The following ZP4 variants were observed in gnomAD, a reference collection of about 807,000 sequenced individuals.
The protein encoded by ZP4 is zona pellucida glycoprotein 4, also known as zona pellucida sperm-binding protein 4.
A neutral mutation model predicts 62.3 loss-of-function variants in ZP4; 62 were observed. That is an observed-to-expected ratio of 0.99 (90% CI 0.81 to 1.23). ZP4 has a LOEUF of 1.23. Ranked by LOEUF, ZP4 falls within the 50% of genes most tolerant of loss-of-function variation. The probability of loss-of-function intolerance (pLI) is 0.00; values close to 1 mark genes in which losing one functional copy is unlikely to be tolerated. For missense variants in ZP4, 774 were observed against 656.0 expected (o/e 1.18, Z -1.97); for synonymous variants, 289 against 247.3 (o/e 1.17, Z -1.58).
In ZP4 at chr1:237,885,539, C is replaced by A. The variant is rs376995776; in HGVS notation, c.1012G>T (p.Val338Leu). The A allele has an allele frequency of 1.2e-6, 2 of 1,614,034 alleles. No individual in the cohort carries two copies. The highest frequency in any genetic ancestry group is 1.7e-6 in the Non-Finnish European group (2 of 1,180,024). The change falls in exon 8 of 12, where the codon GTG becomes TTG. Residue 338 changes from valine to leucine, a missense_variant. Physicochemically the swap from Val to Leu is conservative, Grantham distance 32. Transcript: ENST00000366570. Reference sequence around the variant, plus strand: ...ATGGGATCCCGAAGCAACTTCACCACTGGGTAGTCACCAACACCGTAGTAA... The same window carrying A: ...ATGGGATCCCGAAGCAACTTCACCAATGGGTAGTCACCAACACCGTAGTAA... Reference protein sequence around the residue: ...GSYYGVGDYPVVKLLRDPIYV... With the variant: ...GSYYGVGDYPLVKLLRDPIYV...
chr1:237,885,722 T>A, intron 7 of ZP4, 34 bp downstream of exon 7: 1 of 1,612,284 alleles, frequency 6.2e-7, no homozygotes, highest in Non-Finnish European at 8.5e-7. Flanking sequence ...GGATTTAGAC[T>A]ATAGGCCAGA....
In ZP4 at chr1:237,888,513, A is replaced by G. The variant is rs370239365; in HGVS notation, c.401-3T>C. The G allele has an allele frequency of 1.7e-4, 273 of 1,587,746 alleles. No homozygotes were observed. The highest frequency in any genetic ancestry group is 2.2e-4 in the Non-Finnish European group (254 of 1,162,034). On this transcript the variant is annotated splice_region_variant and splice_polypyrimidine_tract_variant and intron_variant, in intron 3 of 11. Coordinates refer to ENST00000366570, the MANE Select transcript of ZP4 (RefSeq NM_021186.5). ...GTCAGTATCTGGAGCATCTCGGGCT[A>G]GGTTTTGAAAAAGAGTAAGTCAGGT... is the stretch of plus-strand genomic sequence containing the variant.
rs1665010854 is a variant in ZP4 at position 237,883,969 on chromosome 1, C to CACACACACAA, written c.1390+799_1390+800insTTGTGTGTGT. On this transcript the variant is annotated intron_variant, in intron 10 of 11. Transcript: ENST00000366570. Reference sequence around the variant, plus strand: ...AGCAAGAACTGGTCACACACACAAACACACACACACACAAACACACACACA... The same window carrying CACACACACAA: ...AGCAAGAACTGGTCACACACACAAACACACACACAAACACACACACACAAACACACACACA... Among the ~76,000 whole-genome samples the CACACACACAA allele has an allele frequency of 7.1e-5, 4 of 56,128 alleles. 1 individual carries two copies. Among genetic ancestry groups the CACACACACAA allele is most frequent in the African/African-American group, 2.6e-4 (3 of 11,436 alleles). The allele number at this position is 56,128 out of a possible 152,430, so 36.8% of individuals were successfully genotyped here. A position where few individuals can be genotyped will look rare whatever the true frequency, so the allele number is the denominator to read the frequency against.
chr1:237,882,511 G>A lies in ZP4; in HGVS notation c.1534C>T (p.Leu512Phe). 1 of 1,607,224 alleles carries A rather than the reference G, an allele frequency of 6.2e-7. No homozygotes were observed. Among genetic ancestry groups the A allele is most frequent in the Non-Finnish European group, 8.5e-7 (1 of 1,178,162 alleles). The change falls in exon 12 of 12, where the codon CTT (leucine) becomes TTT (phenylalanine). Residue 512 changes from leucine (L) to phenylalanine (F), a missense_variant. By Grantham distance (22) the Leu-to-Phe change is conservative (BLOSUM62 0). Coordinates refer to ENST00000366570, the MANE Select transcript of ZP4 (RefSeq NM_021186.5). ...VDSKVLWVAG[L>F]SGTLILGALL... ...GCTCCAAGGATTAAGGTCCCAGAAA[G>A]GCCTGCCACCCACAGAACTTTCGAG...
chr1:237,883,001 GAGATTTT>G (rs1664952434), intron 10 of ZP4, among the ~76,000 whole-genome samples, 155 bp from the exon 11 acceptor site: 1 of 152,172 alleles, frequency 6.6e-6, no homozygotes, highest in Admixed American at 6.5e-5. Context: ...TTGAACAAGT[GAGATTTT>G]ATATCTGATG....
Position 237,890,608 on chromosome 1 carries a change from A to C in ZP4, c.28T>G (p.Cys10Gly), listed in dbSNP as rs1404773821. The C allele has an allele frequency of 6.2e-7, 1 of 1,613,836 alleles. No homozygotes were observed. Among genetic ancestry groups the C allele is most frequent in the Admixed American group, 1.7e-5 (1 of 59,970 alleles). Residue 10 changes from cysteine to glycine, a missense_variant, in exon 1 of 12, where the codon TGT (cysteine) becomes GGT (glycine). Cys to Gly is a radical substitution (Grantham distance 159). Coordinates refer to ENST00000366570, the MANE Select transcript of ZP4 (RefSeq NM_021186.5). The stretch of plus-strand genomic sequence containing the variant: ...CTCACAGCAAGAGATAATGAAACAC[A>C]CAGCAAAACGCACCGCAGCAGCCAC... MWLLRCVLL[C>G]VSLSLAVSGQ...
In ZP4 at chr1:237,887,529, A is replaced by G. The variant is rs746802121; in HGVS notation, c.586T>C (p.Ser196Pro). Reference sequence around the variant, plus strand: ...GTCACGTTCCGAGACACAGCAATAGAGAAATGGCCCTCTCGGGTACAATGC... The same window carrying G: ...GTCACGTTCCGAGACACAGCAATAGGGAAATGGCCCTCTCGGGTACAATGC... ...TLHCTREGHF[S>P]IAVSRNVTSP... is the part of the protein sequence containing the mutation. The change falls in exon 5 of 12, where the codon TCT (serine) becomes CCT (proline). Residue 196 changes from serine (S) to proline (P), a missense_variant. Coordinates refer to ENST00000366570, the MANE Select transcript of ZP4 (RefSeq NM_021186.5). 1 of 1,614,208 alleles carries G rather than the reference A, an allele frequency of 6.2e-7. No individual in the cohort carries two copies. The highest frequency in any genetic ancestry group is 8.5e-7 in the Non-Finnish European group (1 of 1,180,026).
rs141717126 is a variant in ZP4 at position 237,886,820 on chromosome 1, C to T, written c.790G>A (p.Asp264Asn). 3.2e-4 allele frequency: 514 copies of T among 1,614,090 alleles called. No homozygotes were observed. The highest frequency in any genetic ancestry group is 4.1e-4 in the Non-Finnish European group (488 of 1,179,996). The change falls in exon 6 of 12, where the codon GAT becomes AAT. Residue 264 changes from aspartate (D) to asparagine (N), a missense_variant. Physicochemically the swap from Asp to Asn is conservative, Grantham distance 23. Transcript: ENST00000366570. ...GAGCCACGGCTCCCATTTTTCACAT[C>T]CCTAGTTGCCACCAGTTCATTTTCA... ...VYENELVATR[D>N]VKNGSRGSVT...
intron 10 of ZP4, 105 bp from the exon 11 acceptor site, chr1:237,882,951 T>C (rs1664951265): frequency 1.1e-6 from 1 of 879,368 alleles, no homozygotes; most frequent in Middle Eastern, 3.2e-4. Context: ...AGCTTGGTTC[T>C]ATGCCTTACA....
At position 237,885,744 on chromosome 1, in the gene ZP4, A is replaced by T; in HGVS notation, c.970+12T>A. 1 of 1,613,842 alleles carries T rather than the reference A, an allele frequency of 6.2e-7. No individual in the cohort carries two copies. The highest frequency in any genetic ancestry group is 8.5e-7 in the Non-Finnish European group (1 of 1,179,886). ...GACTATAGGCCAGATACTCCAGCCA[A>T]GGGGGTCATACCTTTGGCAATCTGA... On this transcript the variant is annotated intron_variant, in intron 7 of 11. Coordinates refer to ENST00000366570, the MANE Select transcript of ZP4 (RefSeq NM_021186.5).
At chr1:237,890,307 T>A in intron 1 of ZP4, 131 bp from the exon 2 acceptor site, 1 of 1,519,496 alleles carries the variant, frequency 6.6e-7, no homozygotes, top group African/African-American at 1.4e-5. Flanking sequence ...CAGATTCAGA[T>A]CAGATGTAGT....
chr1:237,887,367 T>C lies in ZP4; in HGVS notation c.741+7A>G. On this transcript the variant is annotated splice_region_variant and intron_variant, in intron 5 of 11. Coordinates refer to ENST00000366570, the MANE Select transcript of ZP4 (RefSeq NM_021186.5). Reference sequence around the variant, plus strand: ...TCCAGAGCCAGGAACAAAGCCCAACTGCTCACCTGTCTTGTGGTGCCACAG... The same window carrying C: ...TCCAGAGCCAGGAACAAAGCCCAACCGCTCACCTGTCTTGTGGTGCCACAG... The C allele has an allele frequency of 6.2e-7, 1 of 1,612,962 alleles. No individual in the cohort carries two copies. Among genetic ancestry groups the C allele is most frequent in the Non-Finnish European group, 8.5e-7 (1 of 1,179,422 alleles).
chr1:237,889,951 G>T lies in ZP4; in HGVS notation c.316C>A (p.Pro106Thr), dbSNP rs1463718443. The change falls in exon 3 of 12, where the codon CCA becomes ACA. Residue 106 changes from proline to threonine, a missense_variant. By Grantham distance (38) the Pro-to-Thr change is conservative. Transcript: ENST00000366570. Reference sequence around the variant, plus strand: ...GCGCCTGCTCCTTCAACTCCAACTGGCATGATGTAGTGGGAGTCCTGGAGA... The same window carrying T: ...GCGCCTGCTCCTTCAACTCCAACTGTCATGATGTAGTGGGAGTCCTGGAGA... ...VTEWDSHYIMPVGVEGAGAAE... is the reference protein window; with the variant it reads ...VTEWDSHYIMTVGVEGAGAAE... The T allele has an allele frequency of 8.7e-6, 14 of 1,613,974 alleles. No individual in the cohort carries two copies. The highest frequency in any genetic ancestry group is 1.2e-5 in the Non-Finnish European group (14 of 1,180,026).
chr1:237,883,906 A>C (rs1303396542), intron 10 of ZP4, among the ~76,000 whole-genome samples: 1 of 151,182 alleles, frequency 6.6e-6, no homozygotes, highest in African/African-American at 2.4e-5. Context: ...GCTACCATGA[A>C]CTGTAATCAT....
chr1:237,886,118 A>G (rs1366416232), intron 6 of ZP4, among the ~76,000 whole-genome samples: 3 of 152,218 alleles, frequency 2.0e-5, no homozygotes, highest in Non-Finnish European at 4.4e-5. Flanking sequence ...CATGAGAAAC[A>G]GATGCTTGCC....
chr1:237,883,639 A>AG (rs1558529876), intron 10 of ZP4, among the ~76,000 whole-genome samples: 19 of 7,702 alleles, frequency 2.5e-3, no homozygotes, highest in African/African-American at 9.0e-3. Context: ...GGGGAGGGGG[A>AG]GGGCGGGGGA....
chr1:237,884,362 G>A (rs751445806), intron 10 of ZP4, among the ~76,000 whole-genome samples: 8 of 152,092 alleles, frequency 5.3e-5, no homozygotes, highest in Non-Finnish European at 1.0e-4. Context: ...TAGAAGCATT[G>A]GACCCAACGA....
At chr1:237,888,298 G>T in intron 4 of ZP4, 60 bp downstream of exon 4, 1 of 1,457,938 alleles carries the variant, frequency 6.9e-7, no homozygotes. Context: ...CCCCTCTCTG[G>T]GTTTCATTGT....
rs778388334 is a variant in ZP4, at chr1:237,886,784, C to T, written c.826G>A (p.Asp276Asn). The T allele has an allele frequency of 6.2e-7, 1 of 1,613,942 alleles. No homozygotes were observed. The highest frequency in any genetic ancestry group is 1.1e-5 in the South Asian group (1 of 91,060). Residue 276 changes from aspartate (D) to asparagine (N), a missense_variant, in exon 6 of 12, where the codon GAC becomes AAC. Physicochemically the swap from Asp to Asn is conservative, Grantham distance 23. Transcript: ENST00000366570. ...KNGSRGSVTR[D>N]SIFRLHVSCS... Reference sequence around the variant, plus strand: ...CCAAGCCCTTACCTGAAGATGCTGTCACGAGTGACAGAGCCACGGCTCCCA... The same window carrying T: ...CCAAGCCCTTACCTGAAGATGCTGTTACGAGTGACAGAGCCACGGCTCCCA...
Sources: gnomAD v4.1 joint callset for allele counts (sites outside exome capture counted in the v4.1 genomes callset) on GRCh38, gnomAD v4.1.1 for gene constraint, MANE v1.5 for transcripts, NCBI Gene and HGNC (gene_info 2026-07-23, HGNC 2026-07-21) for gene names.